The following LHFPL5 variants were observed in gnomAD, a reference collection of about 807,000 sequenced individuals.
The protein encoded by LHFPL5 is LHFPL tetraspan subfamily member 5, also known as LHFPL tetraspan subfamily member 5 protein.
In LHFPL5, 12 loss-of-function variants were observed where a neutral mutation model predicts 18.7. The observed-to-expected ratio is 0.64, with a 90% CI of 0.41 to 1.04. The LOEUF (loss-of-function observed/expected upper bound fraction) is 1.04, where lower values mean the gene tolerates loss of function less well. Ranked by LOEUF, LHFPL5 falls within the 50% of genes least tolerant of loss-of-function variation. The pLI is 0.00. For missense variants in LHFPL5, 259 were observed against 292.1 expected (o/e 0.89, Z 0.83); for synonymous variants, 111 against 120.2 (o/e 0.92, Z 0.50).
rs2038962 is a variant in LHFPL5 at position 35,819,122 on chromosome 6, T to G, written c.650-315T>G. ...TGCTGGGATTATGGGTGTGAGCCAC[T>G]GCATCGGGCCATATTCATTTTTTAT... On this transcript the variant is annotated intron_variant, in intron 2 of 3. Coordinates refer to ENST00000360215, the MANE Select transcript of LHFPL5 (RefSeq NM_182548.4). 0.3 allele frequency among the ~76,000 whole-genome samples: 45,115 copies of G among 152,038 alleles called. 7,005 individuals carry two copies. The highest frequency in any genetic ancestry group is 0.42 in the South Asian group (2,016 of 4,812).
chr6:35,808,788 T>C (rs79821504), intron 1 of LHFPL5, among the ~76,000 whole-genome samples: 1,621 of 151,438 alleles, frequency 0.011, 28 homozygotes, highest in African/African-American at 0.037. Context: ...ACAGGTGCCA[T>C]GTGTGAGCAG....
At chr6:35,808,506 G>A (rs1768608504) in intron 1 of LHFPL5, among the ~76,000 whole-genome samples, 1 of 124,174 alleles carries the variant, frequency 8.1e-6, no homozygotes, top group Admixed American at 8.8e-5. Flanking sequence ...AAATTAGCTG[G>A]GTTAATAAAA....
chr6:35,810,388 C>A (rs1351305451), intron 1 of LHFPL5, among the ~76,000 whole-genome samples: 1 of 152,132 alleles, frequency 6.6e-6, no homozygotes, highest in Non-Finnish European at 1.5e-5. Context: ...ATGTAAAACA[C>A]CTTGCACATG....
At chr6:35,811,759 T>A (rs1404286726) in intron 1 of LHFPL5, among the ~76,000 whole-genome samples, 1 of 152,200 alleles carries the variant, frequency 6.6e-6, no homozygotes. Context: ...TGGACTCACA[T>A]CAAGTCGGGG....
At chr6:35,822,681 G>C (rs372750081) in intron 3 of LHFPL5, among the ~76,000 whole-genome samples, 100 of 152,116 alleles carry the variant, frequency 6.6e-4, no homozygotes, top group African/African-American at 2.3e-3. Context: ...CTAATTTTTT[G>C]TATTTTTAGG....
rs1768554304 is a variant in LHFPL5 at position 35,805,587 on chromosome 6, G to A, written c.-84G>A. On this transcript the variant is annotated 5_prime_UTR_variant, in exon 1 of 4. Coordinates refer to ENST00000360215, the MANE Select transcript of LHFPL5 (RefSeq NM_182548.4). The surrounding 1 kb of genome is among the most constrained non-coding windows in gnomAD (Gnocchi z 4.3). ...AGCCTCCTCCCCAAACCCCGCTGGG[G>A]AGTGACCTGCTTCTAGGCCTCCATC... The A allele has an allele frequency of 6.7e-7, 1 of 1,484,950 alleles. No homozygotes were observed. The highest frequency in any genetic ancestry group is 1.7e-4 in the Middle Eastern group (1 of 5,794). 92.0% of individuals were successfully genotyped at this position (1,484,950 alleles called of 1,614,324 possible). A position where few individuals can be genotyped will look rare whatever the true frequency, so the allele number is the denominator to read the frequency against.
At chr6:35,812,956 G>A (rs1200822446) in intron 1 of LHFPL5, among the ~76,000 whole-genome samples, 1 of 152,102 alleles carries the variant, frequency 6.6e-6, no homozygotes. Flanking sequence ...TCAGGAGGGT[G>A]AGGCAGGAGA....
intron 1 of LHFPL5, among the ~76,000 whole-genome samples, chr6:35,808,115 G>A (rs1041012718): frequency 6.6e-6 from 1 of 151,908 alleles, no homozygotes; most frequent in Non-Finnish European, 1.5e-5. Context: ...GGCCGGGGCA[G>A]GGGTGGGCAG....
intron 1 of LHFPL5, among the ~76,000 whole-genome samples, chr6:35,811,781 A>G (rs777432611): frequency 3.3e-5 from 5 of 152,232 alleles, no homozygotes; most frequent in Non-Finnish European, 4.4e-5. Context: ...AGGGCTGGCT[A>G]CGTAGGTTTC....
Position 35,808,702 on chromosome 6 carries a change from T to C in LHFPL5, c.412+2620T>C, listed in dbSNP as rs114853639. On this transcript the variant is annotated intron_variant, in intron 1 of 3. Transcript: ENST00000360215. ...CAGCTCTTCTTCCCTATCAGGGTTATGGGATGCTGGAGACACAACCATCTC... is the reference window on the plus strand; with the variant it reads ...CAGCTCTTCTTCCCTATCAGGGTTACGGGATGCTGGAGACACAACCATCTC... 5.9e-3 allele frequency among the ~76,000 whole-genome samples: 890 copies of C among 151,276 alleles called. 14 individuals are homozygous for C. The highest frequency in any genetic ancestry group is 0.02 in the African/African-American group (833 of 41,182).
In LHFPL5 at chr6:35,805,988, C is replaced by T. The variant is rs555687906; in HGVS notation, c.318C>T (p.Phe106=). Residue 106 remains phenylalanine (F), a synonymous_variant, in exon 1 of 4, where the codon TTC becomes TTT. Coordinates refer to ENST00000360215, the MANE Select transcript of LHFPL5 (RefSeq NM_182548.4). This position sits in a 1 kb window ranked among gnomAD's most constrained non-coding sequence, Gnocchi z 4.3. ...TGTTCTTTGTGGCCTTGGGCATGTT[C>T]CTCATCATTGGCTCCATCATCTGCT... is the stretch of plus-strand genomic sequence containing the variant. ...TAMFFVALGM[F]LIIGSIICFS... is the part of the protein sequence containing the mutation. 52 of 1,614,202 alleles carry T rather than the reference C, an allele frequency of 3.2e-5. No homozygotes were observed. The South Asian group carries it at 4.8e-4, about 15-fold the overall frequency.
intron 1 of LHFPL5, among the ~76,000 whole-genome samples, chr6:35,810,052 G>C (rs896573902): frequency 6.6e-6 from 1 of 152,168 alleles, no homozygotes; most frequent in Non-Finnish European, 1.5e-5. Flanking sequence ...GATTGCTGTT[G>C]GTTATACTCA....
Position 35,805,970 on chromosome 6 carries a change from T to C in LHFPL5, c.300T>C (p.Phe100=). The change falls in exon 1 of 4, where the codon TTT becomes TTC. Residue 100 remains phenylalanine, a synonymous_variant. Transcript: ENST00000360215. This position sits in a 1 kb window ranked among gnomAD's most constrained non-coding sequence, Gnocchi z 4.3. ...PSRAFKTAMF[F]VALGMFLIIG... is the part of the protein sequence containing the mutation. ...GAGCCTTCAAGACTGCCATGTTCTTTGTGGCCTTGGGCATGTTCCTCATCA... is the reference window on the plus strand; with the variant it reads ...GAGCCTTCAAGACTGCCATGTTCTTCGTGGCCTTGGGCATGTTCCTCATCA... The C allele has an allele frequency of 6.2e-7, 1 of 1,614,272 alleles. No homozygotes were observed. The highest frequency in any genetic ancestry group is 1.3e-5 in the African/African-American group (1 of 75,074).
chr6:35,821,192 T>C (rs1768860351), intron 3 of LHFPL5, among the ~76,000 whole-genome samples: 1 of 151,460 alleles, frequency 6.6e-6, no homozygotes, highest in Non-Finnish European at 1.5e-5. Flanking sequence ...TAATCCCAGC[T>C]ACTCAGGAGG....
Position 35,805,767 on chromosome 6 carries a change from A to C in LHFPL5, c.97A>C (p.Thr33Pro), listed in dbSNP as rs2151068713. The C allele has an allele frequency of 6.2e-7, 1 of 1,614,148 alleles. No homozygotes were observed. The highest frequency in any genetic ancestry group is 8.5e-7 in the Non-Finnish European group (1 of 1,180,024). The change falls in exon 1 of 4, where the codon ACC (threonine) becomes CCC (proline). Residue 33 changes from threonine (T) to proline (P), a missense_variant. By Grantham distance (38) the Thr-to-Pro change is conservative. Coordinates refer to ENST00000360215, the MANE Select transcript of LHFPL5 (RefSeq NM_182548.4). The surrounding 1 kb of genome is among the most constrained non-coding windows in gnomAD (Gnocchi z 4.3). Reference protein sequence around the residue: ...RAVGVMWGTLTICFSVLVMAL... With the variant: ...RAVGVMWGTLPICFSVLVMAL... The stretch of plus-strand genomic sequence containing the variant: ...CGTGGGCGTGATGTGGGGTACCCTC[A>C]CCATCTGCTTCTCCGTACTGGTCAT...
chr6:35,812,220 A>C (rs1768677180), intron 1 of LHFPL5, among the ~76,000 whole-genome samples: 1 of 152,168 alleles, frequency 6.6e-6, no homozygotes, highest in African/African-American at 2.4e-5. Flanking sequence ...TGGGACCCTG[A>C]TTTTTCCATT....
rs1476798136 is a variant in LHFPL5, at chr6:35,814,081, G to A, written c.413-465G>A. On this transcript the variant is annotated intron_variant, in intron 1 of 3. Coordinates refer to ENST00000360215, the MANE Select transcript of LHFPL5 (RefSeq NM_182548.4). The surrounding 1 kb of genome is among the most constrained non-coding windows in gnomAD (Gnocchi z 4.2). Reference sequence around the variant, plus strand: ...CAAAGTGCTGGGATTACAGGTGTGAGCCACCACCCCCAGGCTAGACACTTT... The same window carrying A: ...CAAAGTGCTGGGATTACAGGTGTGAACCACCACCCCCAGGCTAGACACTTT... 6.6e-6 allele frequency among the ~76,000 whole-genome samples: 1 copy of A among 152,208 alleles called. No homozygotes were observed. Among genetic ancestry groups the A allele is most frequent in the Non-Finnish European group, 1.5e-5 (1 of 68,040 alleles).
rs1768718060 is a variant in LHFPL5 at position 35,814,098 on chromosome 6, A to T, written c.413-448A>T. Among the ~76,000 whole-genome samples, 1 of 152,182 alleles carries T rather than the reference A, an allele frequency of 6.6e-6. No individual in the cohort carries two copies. Among genetic ancestry groups the T allele is most frequent in the African/African-American group, 2.4e-5 (1 of 41,446 alleles). On this transcript the variant is annotated intron_variant, in intron 1 of 3. Coordinates refer to ENST00000360215, the MANE Select transcript of LHFPL5 (RefSeq NM_182548.4). The surrounding 1 kb of genome is among the most constrained non-coding windows in gnomAD (Gnocchi z 4.2). ...AGGTGTGAGCCACCACCCCCAGGCT[A>T]GACACTTTCTTATTGAGCTTATTTC...
At chr6:35,806,856 C>T (rs541762668) in intron 1 of LHFPL5, among the ~76,000 whole-genome samples, 2 of 152,238 alleles carry the variant, frequency 1.3e-5, no homozygotes, top group South Asian at 2.1e-4. Context: ...CAGAGTCTCA[C>T]TCTTTGGCTC....
Sources: gnomAD v4.1 joint callset for allele counts (sites outside exome capture counted in the v4.1 genomes callset) on GRCh38, gnomAD v4.1.1 for gene constraint, Gnocchi (gnomAD v3.1) non-coding constraint, MANE v1.5 for transcripts, NCBI Gene and HGNC (gene_info 2026-07-23, HGNC 2026-07-21) for gene names.